The following NBAS variants were observed in gnomAD, a reference collection of about 807,000 sequenced individuals.
NBAS encodes the protein NAG/BC035112 fusion.
In NBAS, 219 loss-of-function variants were observed where a neutral mutation model predicts 302.5. That is an observed-to-expected ratio of 0.72 (90% CI 0.65 to 0.81). NBAS has a LOEUF of 0.81. NBAS is among the 30% of genes least tolerant of loss of function. NBAS has a pLI of 0.00. For missense variants in NBAS, 2,932 were observed against 2,841.6 expected (o/e 1.03, Z -0.72); for synonymous variants, 1,118 against 1,021.6 (o/e 1.09, Z -1.80).
At chr2:14,783,499 T>C in the NBAS span, among the ~76,000 whole-genome samples, 1 of 120,262 alleles carries the variant, frequency 8.3e-6, no homozygotes, top group African/African-American at 3.1e-5. Context: ...GTCCCCAGAG[T>C]GTGATGTTCC....
chr2:15,391,868 C>T (rs1326645330), intron 28 of NBAS, among the ~76,000 whole-genome samples: 2 of 149,572 alleles, frequency 1.3e-5, no homozygotes, highest in African/African-American at 4.9e-5. Context: ...AATTTCTGTA[C>T]CGTAGCATAC....
intron 29 of NBAS, among the ~76,000 whole-genome samples, chr2:15,381,432 GGGA>G (rs1163159703): frequency 6.6e-6 from 1 of 152,090 alleles, no homozygotes; most frequent in Non-Finnish European, 1.5e-5. Context: ...TTCTCAACAA[GGGA>G]GACCCGTGGA....
chr2:15,002,888 C>G, the NBAS span, among the ~76,000 whole-genome samples: 1 of 152,226 alleles, frequency 6.6e-6, no homozygotes, highest in East Asian at 1.9e-4. Flanking sequence ...AAGCGCCACG[C>G]GCAGCCCCTG....
chr2:15,276,012 G>A (rs1207166135), intron 43 of NBAS, among the ~76,000 whole-genome samples, 194 bp from the exon 44 acceptor site: 3 of 151,998 alleles, frequency 2.0e-5, no homozygotes, highest in Non-Finnish European at 4.4e-5. Context: ...AAACTTATTC[G>A]GCTTTGTGAT....
At chr2:15,401,810 A>C (rs1247170425) in intron 26 of NBAS, among the ~76,000 whole-genome samples, 1 of 152,244 alleles carries the variant, frequency 6.6e-6, no homozygotes, top group Non-Finnish European at 1.5e-5. Flanking sequence ...AAATATAATT[A>C]GCCAATAAAT....
At chr2:15,463,788 C>A (rs374579059) in intron 19 of NBAS, among the ~76,000 whole-genome samples, 865 of 91,086 alleles carry the variant, frequency 9.5e-3, no homozygotes, top group East Asian at 0.011. Context: ...GAACCAAATG[C>A]AAAAAAAAAA....
Position 15,219,712 on chromosome 2 carries a change from C to G in NBAS, c.6237-744G>C, listed in dbSNP as rs370955703. 3.2e-3 allele frequency among the ~76,000 whole-genome samples: 436 copies of G among 137,410 alleles called. 7 individuals carry two copies. In the East Asian group the frequency reaches 0.072, roughly 23 times the overall value. The allele number at this position is 137,410 out of a possible 152,430, so 90.1% of individuals were successfully genotyped here. A position where few individuals can be genotyped will look rare whatever the true frequency, so the allele number is the denominator to read the frequency against. On this transcript the variant is annotated intron_variant, in intron 47 of 51. Coordinates refer to ENST00000281513, the MANE Select transcript of NBAS (RefSeq NM_015909.4). ...AGTACAGAACAAAATGAAAAGTCTC[C>G]CATGTCTACTTCTATCCACACAGAC...
At chr2:15,073,491 A>AG in the NBAS span, among the ~76,000 whole-genome samples, 2 of 144,564 alleles carry the variant, frequency 1.4e-5, no homozygotes, top group Admixed American at 6.9e-5. Context: ...AAAAAAAAAA[A>AG]TAAAAAATAA....
chr2:15,490,858 T>C (rs1680826078), intron 11 of NBAS, among the ~76,000 whole-genome samples: 1 of 152,210 alleles, frequency 6.6e-6, no homozygotes, highest in Non-Finnish European at 1.5e-5. Flanking sequence ...TATAATTTAT[T>C]GTTTTGACCA....
the NBAS span, among the ~76,000 whole-genome samples, chr2:15,144,053 A>ATATATATATTATCC: frequency 6.4e-5 from 9 of 139,694 alleles, no homozygotes; most frequent in East Asian, 4.4e-4. Context: ...ATAAAAATAT[A>ATATATATATTATCC]TATATATATA....
the NBAS span, among the ~76,000 whole-genome samples, chr2:14,936,417 C>T: frequency 7.2e-4 from 109 of 152,274 alleles, no homozygotes; most frequent in African/African-American, 2.5e-3. Flanking sequence ...TGTTAAGGTA[C>T]CTTCTGGCCT....
At chr2:14,798,249 A>G in the NBAS span, among the ~76,000 whole-genome samples, 3 of 152,202 alleles carry the variant, frequency 2.0e-5, no homozygotes, top group Non-Finnish European at 4.4e-5. Context: ...CATTTATCAG[A>G]TTGAGGAAGT....
the NBAS span, among the ~76,000 whole-genome samples, chr2:14,804,501 A>G: frequency 6.6e-6 from 1 of 152,246 alleles, no homozygotes; most frequent in Non-Finnish European, 1.5e-5. Context: ...AAACAAAAAC[A>G]CACGTCAGAA....
the NBAS span, among the ~76,000 whole-genome samples, chr2:15,129,962 G>T: frequency 3.9e-5 from 6 of 152,126 alleles, no homozygotes; most frequent in African/African-American, 1.4e-4. Context: ...GCCATTAGCC[G>T]CATTTTGTAC....
chr2:15,261,525 T>C (rs1363480592), intron 44 of NBAS, among the ~76,000 whole-genome samples: 1 of 152,224 alleles, frequency 6.6e-6, no homozygotes, highest in African/African-American at 2.4e-5. Flanking sequence ...AAGTGAGTAA[T>C]GCAGGGTATA....
intron 42 of NBAS, among the ~76,000 whole-genome samples, chr2:15,279,950 T>C (rs374022385): frequency 4.9e-4 from 75 of 152,256 alleles, no homozygotes; most frequent in African/African-American, 1.7e-3. Context: ...AGAAATACCA[T>C]GAAACCACTG....
chr2:14,895,267 T>C, the NBAS span, among the ~76,000 whole-genome samples: 1 of 152,158 alleles, frequency 6.6e-6, no homozygotes, highest in Admixed American at 6.5e-5. Flanking sequence ...ATTTGACTTT[T>C]TAAACTATGT....
At chr2:15,496,064 G>A (rs1681054975) in intron 11 of NBAS, among the ~76,000 whole-genome samples, 1 of 148,006 alleles carries the variant, frequency 6.8e-6, no homozygotes, top group African/African-American at 2.5e-5. Flanking sequence ...CTGTGTGTGT[G>A]TATATATATA....
rs114112842 is a variant in NBAS at position 15,386,604 on chromosome 2, A to G, written c.3258-3287T>C. ...GGATCACTCTCAAATCCATAACTCC[A>G]GTTCGGACTTCTCTGCTGATCTTCA... is the stretch of plus-strand genomic sequence containing the variant. On this transcript the variant is annotated intron_variant, in intron 28 of 51. Coordinates refer to ENST00000281513, the MANE Select transcript of NBAS (RefSeq NM_015909.4). Among the ~76,000 whole-genome samples, 430 of 152,304 alleles carry G rather than the reference A, an allele frequency of 2.8e-3. 2 individuals carry two copies. Among genetic ancestry groups the G allele is most frequent in the Middle Eastern group, 0.01 (3 of 294 alleles).
Sources: gnomAD v4.1 joint callset for allele counts (sites outside exome capture counted in the v4.1 genomes callset) on GRCh38, gnomAD v4.1.1 for gene constraint, MANE v1.5 for transcripts, NCBI Gene and HGNC (gene_info 2026-07-23, HGNC 2026-07-21) for gene names.